The following STK24 variants were observed in gnomAD, a reference collection of about 807,000 sequenced individuals.
STK24 encodes the protein serine/threonine kinase 24.
STK24 carries 21 observed loss-of-function variants against 55.6 expected under a neutral mutation model. That is an observed-to-expected ratio of 0.38 (90% CI 0.27 to 0.54). STK24 has a LOEUF of 0.54. Ranked by LOEUF, STK24 falls within the 20% of genes least tolerant of loss-of-function variation. The pLI, the probability that STK24 is intolerant of heterozygous loss-of-function variation, is 0.79. For missense variants in STK24, 383 were observed against 538.4 expected (o/e 0.71, Z 2.86); for synonymous variants, 200 against 215.2 (o/e 0.93, Z 0.62).
intron 1 of STK24, among the ~76,000 whole-genome samples, chr13:98,575,418 CACACACACACATAT>C (rs931489816): frequency 4.6e-5 from 7 of 150,638 alleles, no homozygotes; most frequent in African/African-American, 1.5e-4. Context: ...CACACACACA[CACACACACACATAT>C]ACACACACAC....
chr13:98,488,160 GACACACACACACACACACACACACAC>G (rs71213678), intron 2 of STK24, among the ~76,000 whole-genome samples: 10 of 130,408 alleles, frequency 7.7e-5, no homozygotes, highest in Admixed American at 1.6e-4. Flanking sequence ...AAGAGATGAA[GACACACACACACACACACACACACAC>G]ACACACACAC....
chr13:98,489,347 G>A (rs1188915270), intron 2 of STK24, among the ~76,000 whole-genome samples: 1 of 152,216 alleles, frequency 6.6e-6, no homozygotes, highest in Non-Finnish European at 1.5e-5. Flanking sequence ...CTTCAGAGCA[G>A]CCCCTGACCA....
intron 1 of STK24, among the ~76,000 whole-genome samples, chr13:98,562,036 A>G (rs989672951): frequency 1.3e-5 from 2 of 152,044 alleles, no homozygotes; most frequent in Non-Finnish European, 2.9e-5. Flanking sequence ...GGAGGCACAG[A>G]AGTCAGTTAA....
At chr13:98,564,687 T>C (rs1238885065) in intron 1 of STK24, among the ~76,000 whole-genome samples, 1 of 152,138 alleles carries the variant, frequency 6.6e-6, no homozygotes, top group African/African-American at 2.4e-5. Flanking sequence ...TTTGTTCTAG[T>C]TCGGGGTTTT....
At position 98,559,756 on chromosome 13, in the gene STK24, C is replaced by CA. The variant is rs533166061; in HGVS notation, c.42+16988dup. ...CTAAAGACAACCAATCATACCAAAA[C>CA]AAAAATTTGAAAATCTGAACAAAGA... is the stretch of plus-strand genomic sequence containing the variant. On this transcript the variant is annotated intron_variant, in intron 1 of 10. Transcript: ENST00000539966. Among the ~76,000 whole-genome samples, 4 of 151,452 alleles carry CA rather than the reference C, an allele frequency of 2.6e-5. No individual in the cohort carries two copies. In the South Asian group the frequency reaches 8.4e-4, roughly 32 times the overall value.
At chr13:98,548,861 C>CAAAAAAAAAAAAAAAAAAAAA (rs55793722) in intron 1 of STK24, among the ~76,000 whole-genome samples, 1 of 37,804 alleles carries the variant, frequency 2.6e-5, no homozygotes, top group Non-Finnish European at 5.5e-5. Flanking sequence ...GACTCTGTCT[C>CAAAAAAAAAAAAAAAAAAAAA]AAAAAAAAAA....
intron 5 of STK24, among the ~76,000 whole-genome samples, chr13:98,469,534 T>TA (rs768326491): frequency 5.5e-5 from 7 of 126,334 alleles, no homozygotes; most frequent in African/African-American, 1.1e-4. Flanking sequence ...AGACCCTGCA[T>TA]CCCCCCCCCC....
intron 1 of STK24, among the ~76,000 whole-genome samples, chr13:98,549,342 A>G (rs1897106532): frequency 6.6e-6 from 1 of 152,164 alleles, no homozygotes; most frequent in Non-Finnish European, 1.5e-5. Flanking sequence ...GGCACCTCCT[A>G]GCTCTGTCCT....
chr13:98,558,062 T>C (rs1897320982), intron 1 of STK24, among the ~76,000 whole-genome samples: 1 of 152,194 alleles, frequency 6.6e-6, no homozygotes, highest in Non-Finnish European at 1.5e-5. Flanking sequence ...ATGCATTTTT[T>C]CCCATTGAAA....
chr13:98,480,936 C>G (rs564643330), intron 3 of STK24, among the ~76,000 whole-genome samples: 11 of 152,278 alleles, frequency 7.2e-5, no homozygotes, highest in African/African-American at 2.4e-4. Context: ...ATGAGTAATA[C>G]CCGTGTAGAC....
chr13:98,557,017 A>G (rs1195293441), intron 1 of STK24, among the ~76,000 whole-genome samples: 1 of 152,070 alleles, frequency 6.6e-6, no homozygotes, highest in Non-Finnish European at 1.5e-5. Flanking sequence ...AGCACCTCGC[A>G]CCCCATCCAT....
At chr13:98,517,358 G>A (rs1896103118) in intron 2 of STK24, among the ~76,000 whole-genome samples, 1 of 152,192 alleles carries the variant, frequency 6.6e-6, no homozygotes, top group African/African-American at 2.4e-5. Flanking sequence ...AGGCACAGTG[G>A]CTCATGCCTA....
Position 98,563,335 on chromosome 13 carries a change from A to G in STK24, c.42+13410T>C, listed in dbSNP as rs546262247. ...ATAAACACAGGCAGTTGGGGGACCGAGGCCAGGAAATGCAAGTAGTTTCAC... is the reference window on the plus strand; with the variant it reads ...ATAAACACAGGCAGTTGGGGGACCGGGGCCAGGAAATGCAAGTAGTTTCAC... On this transcript the variant is annotated intron_variant, in intron 1 of 10. Transcript: ENST00000539966. 3.9e-5 allele frequency among the ~76,000 whole-genome samples: 6 copies of G among 152,310 alleles called. No individual in the cohort carries two copies. The East Asian group carries it at 1.2e-3, about 29-fold the overall frequency.
In STK24 at chr13:98,551,725, C is replaced by T. The variant is rs112336997; in HGVS notation, c.42+25020G>A. Among the ~76,000 whole-genome samples the T allele has an allele frequency of 3.8e-3, 585 of 152,274 alleles. 4 individuals are homozygous for T. Among genetic ancestry groups the T allele is most frequent in the African/African-American group, 0.013 (540 of 41,552 alleles). On this transcript the variant is annotated intron_variant, in intron 1 of 10. Transcript: ENST00000539966. ...GTACCTCTCTCTGGTTACTATTAGCCTGGACTCCAATGCTTGCTGGAATGT... is the reference window on the plus strand; with the variant it reads ...GTACCTCTCTCTGGTTACTATTAGCTTGGACTCCAATGCTTGCTGGAATGT...
At chr13:98,568,859 A>T (rs1341841268) in intron 1 of STK24, among the ~76,000 whole-genome samples, 2 of 152,010 alleles carry the variant, frequency 1.3e-5, no homozygotes, top group Non-Finnish European at 2.9e-5. Flanking sequence ...ACAGAGCGAG[A>T]CTCCATCTCG....
chr13:98,455,035 T>C (rs1234582061), intron 10 of STK24: 1 of 152,172 alleles, frequency 6.6e-6, no homozygotes, highest in Non-Finnish European at 1.5e-5. Flanking sequence ...GCACGTAAAA[T>C]GTGCTGCGTC....
At chr13:98,560,643 C>T (rs1410715935) in intron 1 of STK24, among the ~76,000 whole-genome samples, 1 of 152,122 alleles carries the variant, frequency 6.6e-6, no homozygotes, top group Non-Finnish European at 1.5e-5. Context: ...CTTTGGAAAG[C>T]CGACGTGGGT....
chr13:98,458,000 T>C (rs1893538482), intron 9 of STK24, among the ~76,000 whole-genome samples: 1 of 152,246 alleles, frequency 6.6e-6, no homozygotes, highest in Non-Finnish European at 1.5e-5. Context: ...TAAGTTATTC[T>C]GATCTCAACA....
chr13:98,549,095 AAC>A (rs1238520710), intron 1 of STK24, among the ~76,000 whole-genome samples: 1 of 152,186 alleles, frequency 6.6e-6, no homozygotes, highest in African/African-American at 2.4e-5. Flanking sequence ...CATGCTGTGA[AAC>A]ACAATTTCAG....
Sources: allele counts gnomAD v4.1 joint callset (sites outside exome capture counted in the v4.1 genomes callset), GRCh38; gene constraint gnomAD v4.1.1; transcripts MANE v1.5; gene names NCBI Gene and HGNC (gene_info 2026-07-23, HGNC 2026-07-21).